The following GLIS1 variants were observed in gnomAD, a reference collection of about 807,000 sequenced individuals.
GLIS1 encodes the protein GLIS family zinc finger 1, also known as zinc finger protein GLIS1.
Under a neutral mutation model 63.8 loss-of-function variants are expected in GLIS1, and 24 were observed. That is an observed-to-expected ratio of 0.38 (90% CI 0.27 to 0.53). The LOEUF (loss-of-function observed/expected upper bound fraction) is 0.53. Among genes scored for constraint, GLIS1 ranks in the 20% least tolerant of loss-of-function variants. The pLI is 0.85. For missense variants in GLIS1, 1,036 were observed against 1,074.1 expected, an observed-to-expected ratio of 0.96 and a Z score of 0.50; for synonymous variants, 450 against 482.5, an observed-to-expected ratio of 0.93 and a Z score of 0.88.
At chr1:53,673,503 TCCTTTGACA>T (rs1204237729) in intron 2 of GLIS1, among the ~76,000 whole-genome samples, 3 of 151,766 alleles carry the variant, frequency 2.0e-5, no homozygotes, top group Non-Finnish European at 4.4e-5. Flanking sequence ...TCGGAAAGAG[TCCTTTGACA>T]CCTACTTCCC....
chr1:53,686,600 G>C (rs1459628879), intron 2 of GLIS1, among the ~76,000 whole-genome samples: 1 of 152,164 alleles, frequency 6.6e-6, no homozygotes, highest in Non-Finnish European at 1.5e-5. Flanking sequence ...GAGGGAAGCA[G>C]ATAAACTGGA....
chr1:53,544,044 A>T (rs1432439851), intron 4 of GLIS1, among the ~76,000 whole-genome samples: 1 of 152,212 alleles, frequency 6.6e-6, no homozygotes, highest in Non-Finnish European at 1.5e-5. Flanking sequence ...CCCAGCCCAG[A>T]TGCCTGGCTC....
At chr1:53,675,624 A>G (rs986450742) in intron 2 of GLIS1, among the ~76,000 whole-genome samples, 2 of 152,242 alleles carry the variant, frequency 1.3e-5, no homozygotes, top group Non-Finnish European at 2.9e-5. Flanking sequence ...ACCACCTCTC[A>G]CAGCTGGCCT....
chr1:53,543,295 C>T (rs1444846399), intron 4 of GLIS1, among the ~76,000 whole-genome samples: 6 of 152,036 alleles, frequency 3.9e-5, no homozygotes, highest in Non-Finnish European at 2.9e-5. Context: ...GGAAAACTGC[C>T]GCTGATGGGC....
At chr1:53,721,112 T>A (rs953593445) in intron 2 of GLIS1, among the ~76,000 whole-genome samples, 4 of 151,930 alleles carry the variant, frequency 2.6e-5, no homozygotes, top group African/African-American at 4.8e-5. Context: ...ATAAATTTTT[T>A]ATAAAATAAA....
At chr1:53,590,957 G>C (rs1399913444) in intron 4 of GLIS1, among the ~76,000 whole-genome samples, 1 of 152,234 alleles carries the variant, frequency 6.6e-6, no homozygotes, top group African/African-American at 2.4e-5. Flanking sequence ...ATGTAAGCCA[G>C]CTGCGAGAAT....
chr1:53,531,451 G>A (rs1224043958), intron 4 of GLIS1, among the ~76,000 whole-genome samples: 1 of 152,204 alleles, frequency 6.6e-6, no homozygotes, highest in Non-Finnish European at 1.5e-5. Context: ...TGCCTGGAGA[G>A]GACTGTGGGC....
chr1:53,689,582 C>T (rs1389896968), intron 2 of GLIS1, among the ~76,000 whole-genome samples: 1 of 152,112 alleles, frequency 6.6e-6, no homozygotes. Context: ...CAGTAGAAGG[C>T]AAGCGCTCAA....
chr1:53,712,874 C>T lies in GLIS1; in HGVS notation c.259+24932G>A, dbSNP rs112663183. Among the ~76,000 whole-genome samples, 397 of 152,250 alleles carry T rather than the reference C, an allele frequency of 2.6e-3. 2 individuals are homozygous for T. The highest frequency in any genetic ancestry group is 9.3e-3 in the African/African-American group (386 of 41,556). ...TCCTTTAACACAACGGCAAACACGG[C>T]ACTGCCAGAAATAGCAGGTAAAAGG... On this transcript the variant is annotated intron_variant, in intron 2 of 10. Transcript: ENST00000628545.
intron 2 of GLIS1, among the ~76,000 whole-genome samples, chr1:53,606,519 G>A (rs1014482342): frequency 1.3e-5 from 2 of 152,164 alleles, no homozygotes; most frequent in East Asian, 3.9e-4. Context: ...ACACACAGCA[G>A]AGACAGAGCC....
intron 7 of GLIS1, among the ~76,000 whole-genome samples, chr1:53,517,182 G>C (rs1263992408): frequency 2.0e-5 from 3 of 152,012 alleles, no homozygotes; most frequent in African/African-American, 7.2e-5. Context: ...TTGAGGCCAG[G>C]GCTAGGAGTG....
At chr1:53,529,187 T>C (rs888351981) in intron 5 of GLIS1, among the ~76,000 whole-genome samples, 2 of 152,220 alleles carry the variant, frequency 1.3e-5, no homozygotes, top group Admixed American at 6.5e-5. Flanking sequence ...CTGTTACCTA[T>C]GCCTGGTGCA....
chr1:53,645,083 C>T (rs1645828913), intron 2 of GLIS1, among the ~76,000 whole-genome samples: 1 of 152,208 alleles, frequency 6.6e-6, no homozygotes, highest in African/African-American at 2.4e-5. Flanking sequence ...GCCAGCCACA[C>T]CGGCCTCCTG....
chr1:53,586,567 C>T (rs960580395), intron 4 of GLIS1, among the ~76,000 whole-genome samples: 1 of 152,208 alleles, frequency 6.6e-6, no homozygotes, highest in African/African-American at 2.4e-5. Context: ...GTGCCATTGT[C>T]TAGTTTCTCA....
intron 2 of GLIS1, among the ~76,000 whole-genome samples, chr1:53,676,357 A>G (rs1646212301): frequency 1.3e-5 from 2 of 151,868 alleles, no homozygotes; most frequent in African/African-American, 2.4e-5. Context: ...CCCTTCCCCA[A>G]CTCAGTCTCC....
chr1:53,682,154 T>C (rs1239077510), intron 2 of GLIS1, among the ~76,000 whole-genome samples: 1 of 152,204 alleles, frequency 6.6e-6, no homozygotes, highest in Admixed American at 6.5e-5. Flanking sequence ...TGCTTCCTGT[T>C]GTAAAGGTGA....
chr1:53,633,565 G>A (rs908183310), intron 2 of GLIS1, among the ~76,000 whole-genome samples: 1 of 151,968 alleles, frequency 6.6e-6, no homozygotes, highest in Non-Finnish European at 1.5e-5. Context: ...GAGGGACTCG[G>A]TCCTTGTGTG....
intron 2 of GLIS1, among the ~76,000 whole-genome samples, chr1:53,632,354 G>A (rs1034384450): frequency 1.3e-5 from 2 of 150,636 alleles, no homozygotes; most frequent in African/African-American, 4.9e-5. Context: ...ACAGATGGGT[G>A]TGTGAATGGG....
chr1:53,691,403 T>A (rs921523139), intron 2 of GLIS1, among the ~76,000 whole-genome samples: 5 of 152,180 alleles, frequency 3.3e-5, no homozygotes, highest in Admixed American at 2.6e-4. Context: ...CCTCAAAGTC[T>A]GGCCTTTTGC....
Sources: allele counts gnomAD v4.1 joint callset (sites outside exome capture counted in the v4.1 genomes callset), GRCh38; gene constraint gnomAD v4.1.1; transcripts MANE v1.5; gene names NCBI Gene and HGNC (gene_info 2026-07-23, HGNC 2026-07-21).